Variants in CNRIP1 observed in about 807,000 individuals in gnomAD.
CNRIP1 encodes cannabinoid receptor interacting protein 1.
In CNRIP1, 10 loss-of-function variants were observed where a neutral mutation model predicts 15.2. That is an observed-to-expected ratio of 0.66 (90% CI 0.41 to 1.12). The LOEUF (loss-of-function observed/expected upper bound fraction) is 1.12. CNRIP1 is among the 50% of genes most tolerant of loss of function. The pLI is 0.00. For missense variants in CNRIP1, 211 were observed against 214.7 expected, an observed-to-expected ratio of 0.98 and a Z score of 0.11; for synonymous variants, 91 against 83.2, an observed-to-expected ratio of 1.09 and a Z score of -0.51.
chr2:68,291,293 C>A (rs1469137458), downstream of CNRIP1, among the ~76,000 whole-genome samples: 2 of 150,130 alleles, frequency 1.3e-5, no homozygotes, highest in African/African-American at 5.0e-5. Flanking sequence ...CACACTTTCC[C>A]CTTTTTTTTT....
At chr2:68,297,168 A>AG (rs1274037537) in intron 2 of CNRIP1, among the ~76,000 whole-genome samples, 2 of 152,258 alleles carry the variant, frequency 1.3e-5, no homozygotes, top group African/African-American at 2.4e-5. Context: ...ATTACCAAAT[A>AG]GTCATTATCC....
At chr2:68,314,558 T>G (rs1672203838) in intron 2 of CNRIP1, among the ~76,000 whole-genome samples, 1 of 152,026 alleles carries the variant, frequency 6.6e-6, no homozygotes, top group African/African-American at 2.4e-5. Context: ...GACAGTTATA[T>G]TCAGATTCTG....
intron 2 of CNRIP1, among the ~76,000 whole-genome samples, chr2:68,313,220 T>C (rs1405144044): frequency 6.6e-6 from 1 of 152,160 alleles, no homozygotes; most frequent in Non-Finnish European, 1.5e-5. Flanking sequence ...GTAAAGCAAC[T>C]AGAATTCTCA....
At chr2:68,294,163 G>T in intron 2 of CNRIP1, 137 bp from the exon 3 acceptor site, 2 of 861,594 alleles carry the variant, frequency 2.3e-6, no homozygotes, top group Non-Finnish European at 3.5e-6. Flanking sequence ...GGCTCGGAAG[G>T]CTTTCCTTTA....
intron 2 of CNRIP1, among the ~76,000 whole-genome samples, chr2:68,304,654 G>A (rs1353015628): frequency 1.3e-5 from 2 of 148,176 alleles, no homozygotes; most frequent in Admixed American, 1.3e-4. Context: ...ACAGAGTCTC[G>A]CTCTGTCACC....
At chr2:68,317,432 G>T (rs113853476) in intron 1 of CNRIP1, 125 bp from the exon 2 acceptor site, 2 of 992,342 alleles carry the variant, frequency 2.0e-6, no homozygotes, top group Non-Finnish European at 3.0e-6. Context: ...TGGTGCGGGA[G>T]AAAGTTCTGC....
At chr2:68,307,276 G>A (rs562447605) in intron 2 of CNRIP1, among the ~76,000 whole-genome samples, 1 of 151,916 alleles carries the variant, frequency 6.6e-6, no homozygotes, top group African/African-American at 2.4e-5. Context: ...CTACAATTTT[G>A]TCAAAATGTA....
At chr2:68,309,281 GTT>G (rs1283513989) in intron 2 of CNRIP1, among the ~76,000 whole-genome samples, 3 of 152,114 alleles carry the variant, frequency 2.0e-5, no homozygotes, top group Admixed American at 2.0e-4. Context: ...AGAAATGGAT[GTT>G]TTCCTCAGAA....
At chr2:68,299,035 T>C (rs1022320700) in intron 2 of CNRIP1, among the ~76,000 whole-genome samples, 5 of 152,202 alleles carry the variant, frequency 3.3e-5, no homozygotes, top group South Asian at 2.1e-4. Flanking sequence ...CATTCCACTT[T>C]AGTCTTGTGC....
downstream of CNRIP1, among the ~76,000 whole-genome samples, chr2:68,288,359 G>T (rs1274024591): frequency 6.6e-6 from 1 of 152,134 alleles, no homozygotes; most frequent in Non-Finnish European, 1.5e-5. Flanking sequence ...AAATGGAGTA[G>T]GGCGTTCCAA....
chr2:68,307,919 G>T (rs2103668541), intron 2 of CNRIP1, among the ~76,000 whole-genome samples: 1 of 152,220 alleles, frequency 6.6e-6, no homozygotes, highest in Middle Eastern at 3.4e-3. Context: ...TGGGCCAGGT[G>T]TGGTGGCTCA....
intron 2 of CNRIP1, among the ~76,000 whole-genome samples, chr2:68,306,828 G>C (rs766106091): frequency 6.6e-6 from 1 of 150,942 alleles, no homozygotes; most frequent in Non-Finnish European, 1.5e-5. Context: ...ATTGCATTAT[G>C]TATTTTTTGA....
rs192536363 is a variant in CNRIP1 at position 68,318,242 on chromosome 2, T to C, written c.180-935A>G. The stretch of plus-strand genomic sequence containing the variant: ...GCACCTTGGAAGGCTAATACAAGTT[T>C]ACTGAATTAAAACGTAAGCTATAAG... On this transcript the variant is annotated intron_variant, in intron 1 of 2. Transcript: ENST00000263655. Among the ~76,000 whole-genome samples, 431 of 152,268 alleles carry C rather than the reference T, an allele frequency of 2.8e-3. 1 individual carries two copies. The highest frequency in any genetic ancestry group is 4.9e-3 in the Non-Finnish European group (330 of 68,006).
chr2:68,284,374 G>GA (rs5831925), exon 3 of CNRIP1: 116,768 of 961,144 alleles, frequency 0.12, 3,170 homozygotes, highest in African/African-American at 0.28. Flanking sequence ...AAATAATTTG[G>GA]AAAAAAAAAA....
Position 68,305,272 on chromosome 2 carries a change from A to ATGTGTG in CNRIP1, c.331-11247_331-11246insCACACA, listed in dbSNP as rs1225964288. ...AAAAAAAAAAAAAATATATATATATATATGTGTGTGTGTGTGTGTGTGTGT... is the reference window on the plus strand; with the variant it reads ...AAAAAAAAAAAAAATATATATATATATGTGTGTATGTGTGTGTGTGTGTGTGTGTGT... On this transcript the variant is annotated intron_variant, in intron 2 of 2. Coordinates refer to ENST00000263655, the MANE Select transcript of CNRIP1 (RefSeq NM_015463.3). Among the ~76,000 whole-genome samples the ATGTGTG allele has an allele frequency of 1.2e-3, 80 of 69,014 alleles. 1 individual carries two copies. Among genetic ancestry groups the ATGTGTG allele is most frequent in the East Asian group, 3.9e-3 (4 of 1,032 alleles). The allele number at this position is 69,014 out of a possible 152,430, so 45.3% of individuals were successfully genotyped here. A position where few individuals can be genotyped will look rare whatever the true frequency, so the allele number is the denominator to read the frequency against.
Position 68,317,190 on chromosome 2 carries a change from A to T in CNRIP1, c.297T>A (p.Ser99Arg), listed in dbSNP as rs768803770. Residue 99 changes from serine (S) to arginine (R), a missense_variant, in exon 2 of 3, where the codon AGT becomes AGA. Coordinates refer to ENST00000263655, the MANE Select transcript of CNRIP1 (RefSeq NM_015463.3). ...TGATCTGGATGGGTTGCCGTTCTCC[A>T]CTCTTCGTTGGGGTCACACCTTCTG... ...YDTEGVTPTKSGERQPIQITM... is the reference protein window; with the variant it reads ...YDTEGVTPTKRGERQPIQITM... 2 of 1,613,904 alleles carry T rather than the reference A, an allele frequency of 1.2e-6. No homozygotes were observed. Among genetic ancestry groups the T allele is most frequent in the Non-Finnish European group, 1.7e-6 (2 of 1,179,982 alleles).
exon 3 of CNRIP1, chr2:68,284,476 C>T (rs1443995025): frequency 1.3e-6 from 2 of 1,540,374 alleles, no homozygotes; most frequent in Non-Finnish European, 1.8e-6. Context: ...GTCGTTGTTC[C>T]AGGCACTCCT....
At chr2:68,317,032 A>C in intron 2 of CNRIP1, 125 bp downstream of exon 2, 1 of 1,178,882 alleles carries the variant, frequency 8.5e-7, no homozygotes. Flanking sequence ...GGAAATCCAC[A>C]ACTCAATTTC....
downstream of CNRIP1, chr2:68,292,904 T>A (rs1006747864): frequency 1.9e-6 from 1 of 523,816 alleles, no homozygotes; most frequent in African/African-American, 2.1e-5. Context: ...CTACTCCGGA[T>A]ACATCCCCGT....
Sources: allele counts gnomAD v4.1 joint callset (sites outside exome capture counted in the v4.1 genomes callset), GRCh38; gene constraint gnomAD v4.1.1; transcripts MANE v1.5; gene names NCBI Gene and HGNC (gene_info 2026-07-23, HGNC 2026-07-21).